Variants in CAMK2B observed in about 807,000 individuals in gnomAD.
CAMK2B encodes the protein calcium/calmodulin-dependent protein kinase type II subunit beta.
CAMK2B carries 27 observed loss-of-function variants against 93.7 expected under a neutral mutation model. That is an observed-to-expected ratio of 0.29 (90% CI 0.21 to 0.40). CAMK2B has a LOEUF of 0.40. Among genes scored for constraint, CAMK2B ranks in the 10% least tolerant of loss-of-function variants. CAMK2B has a pLI of 1.00. For missense variants in CAMK2B, 568 were observed against 895.8 expected (o/e 0.63, Z 4.67); for synonymous variants, 374 against 358.8 (o/e 1.04, Z -0.48).
chr7:44,264,352 G>A (rs552249588), intron 2 of CAMK2B, among the ~76,000 whole-genome samples: 1 of 152,312 alleles, frequency 6.6e-6, no homozygotes, highest in East Asian at 1.9e-4. Flanking sequence ...AGCAGGTGTG[G>A]TGGTGGCAGC....
intron 5 of CAMK2B, among the ~76,000 whole-genome samples, 171 bp downstream of exon 5, chr7:44,254,371 G>A (rs1348283979): frequency 6.6e-6 from 1 of 152,194 alleles, no homozygotes; most frequent in Non-Finnish European, 1.5e-5. Flanking sequence ...TCTTGGCTCT[G>A]CGCTGAGGTT....
At chr7:44,289,896 C>G (rs1397246071) in intron 1 of CAMK2B, among the ~76,000 whole-genome samples, 1 of 152,234 alleles carries the variant, frequency 6.6e-6, no homozygotes, top group African/African-American at 2.4e-5. Flanking sequence ...TCAGAGGCAG[C>G]AGCTTCTCTC....
At chr7:44,254,905 C>T (rs759590241) in intron 4 of CAMK2B, among the ~76,000 whole-genome samples, 18 of 150,866 alleles carry the variant, frequency 1.2e-4, no homozygotes, top group East Asian at 4.0e-4. Flanking sequence ...ACTTTGGCCA[C>T]GATTATACTC....
chr7:44,276,331 T>C (rs1462758810), intron 2 of CAMK2B, among the ~76,000 whole-genome samples: 1 of 151,992 alleles, frequency 6.6e-6, no homozygotes, highest in African/African-American at 2.4e-5. Context: ...GCACTCATTA[T>C]CCCCCTGAGC....
intron 2 of CAMK2B, among the ~76,000 whole-genome samples, chr7:44,281,822 G>A (rs1318450806): frequency 3.9e-5 from 6 of 152,118 alleles, no homozygotes; most frequent in Admixed American, 3.9e-4. Context: ...GCTGACCCTT[G>A]GAGCAAGTGG....
At chr7:44,303,712 C>A (rs1045986834) in intron 1 of CAMK2B, among the ~76,000 whole-genome samples, 4 of 152,034 alleles carry the variant, frequency 2.6e-5, no homozygotes, top group African/African-American at 9.7e-5. Context: ...AGATACAGTG[C>A]CAAAAGCACA....
intron 19 of CAMK2B, among the ~76,000 whole-genome samples, chr7:44,228,473 G>A (rs567250106): frequency 6.6e-6 from 1 of 152,234 alleles, no homozygotes; most frequent in East Asian, 1.9e-4. Context: ...GAGGGCCTAG[G>A]GGCATGGGGG....
chr7:44,260,225 C>T (rs551185282), intron 3 of CAMK2B, among the ~76,000 whole-genome samples: 14 of 152,298 alleles, frequency 9.2e-5, no homozygotes, highest in Admixed American at 3.9e-4. Flanking sequence ...TTGCATGCTC[C>T]GGCGCTGTCC....
Position 44,224,834 on chromosome 7 carries a change from G to C in CAMK2B, c.1597+1682C>G, listed in dbSNP as rs142818429. ...TTACACAGCTGGTGGGTGCCTTCTGGAGAAAGGAGGTGGAAAGGAGGCAGA... is the reference window on the plus strand; with the variant it reads ...TTACACAGCTGGTGGGTGCCTTCTGCAGAAAGGAGGTGGAAAGGAGGCAGA... On this transcript the variant is annotated intron_variant, in intron 20 of 23. Transcript: ENST00000395749. This position sits in a 1 kb window ranked among gnomAD's most constrained non-coding sequence, Gnocchi z 4.4. Among the ~76,000 whole-genome samples, 8 of 152,098 alleles carry C rather than the reference G, an allele frequency of 5.3e-5. No homozygotes were observed. Among genetic ancestry groups the C allele is most frequent in the Admixed American group, 2.6e-4 (4 of 15,284 alleles).
chr7:44,299,036 C>T, intron 1 of CAMK2B, among the ~76,000 whole-genome samples: 1 of 152,174 alleles, frequency 6.6e-6, no homozygotes, highest in Non-Finnish European at 1.5e-5. Context: ...AGCAATTCCA[C>T]TCCAAGGTGG....
chr7:44,225,858 G>C lies in CAMK2B; in HGVS notation c.1597+658C>G. On this transcript the variant is annotated intron_variant, in intron 20 of 23. Coordinates refer to ENST00000395749, the MANE Select transcript of CAMK2B (RefSeq NM_001220.5). The surrounding 1 kb of genome is among the most constrained non-coding windows in gnomAD (Gnocchi z 5.0). ...CCCAGTCTGGTGTCTCCCCACAGGT[G>C]GGGGTGGCAGCAGCCCTGGGATGTC... 3.1e-6 allele frequency: 4 copies of C among 1,289,386 alleles called. No individual in the cohort carries two copies. The highest frequency in any genetic ancestry group is 2.5e-5 in the South Asian group (2 of 81,024). The allele number at this position is 1,289,386 out of a possible 1,614,324, so 79.9% of individuals were successfully genotyped here. A position where few individuals can be genotyped will look rare whatever the true frequency, so the allele number is the denominator to read the frequency against.
chr7:44,290,771 C>T (rs1786569368), intron 1 of CAMK2B, among the ~76,000 whole-genome samples: 1 of 152,156 alleles, frequency 6.6e-6, no homozygotes. Context: ...TTTATATGAA[C>T]AGAGTGCTGA....
intron 4 of CAMK2B, among the ~76,000 whole-genome samples, chr7:44,254,837 C>T (rs1349047118): frequency 6.7e-5 from 1 of 14,844 alleles, no homozygotes; most frequent in African/African-American, 2.5e-4. Context: ...TGACAGCTTA[C>T]TAGTGCTTAC....
intron 2 of CAMK2B, among the ~76,000 whole-genome samples, chr7:44,267,702 G>C (rs552448913): frequency 2.2e-4 from 34 of 152,226 alleles, no homozygotes; most frequent in Non-Finnish European, 4.6e-4. Flanking sequence ...TTCTACCAGA[G>C]AAACATCCCA....
rs888784928 is a variant in CAMK2B, at chr7:44,230,911, G to C, written c.1225+95C>G. On this transcript the variant is annotated intron_variant, in intron 17 of 23. Transcript: ENST00000395749. The stretch of plus-strand genomic sequence containing the variant: ...TCAACACATGCATAAACTAGGCGTC[G>C]CAGGAGAGTTGACCCTGCCCAAGTC... 24 of 1,044,494 alleles carry C rather than the reference G, an allele frequency of 2.3e-5. No individual in the cohort carries two copies. In the Admixed American group the frequency reaches 2.4e-4, roughly 11 times the overall value. 64.7% of individuals were successfully genotyped at this position (1,044,494 alleles called of 1,614,324 possible). A position where few individuals can be genotyped will look rare whatever the true frequency, so the allele number is the denominator to read the frequency against.
At chr7:44,230,382 G>A (rs1246263135) in intron 17 of CAMK2B, 1 of 153,008 alleles carries the variant, frequency 6.5e-6, no homozygotes, top group Non-Finnish European at 1.5e-5. Flanking sequence ...CTTATTAGGT[G>A]ACCGTGTGAG....
intron 1 of CAMK2B, among the ~76,000 whole-genome samples, chr7:44,318,438 C>G (rs1303897591): frequency 6.6e-6 from 1 of 152,208 alleles, no homozygotes; most frequent in Non-Finnish European, 1.5e-5. Flanking sequence ...GCCTGAGTGA[C>G]CCAGACCATT....
At chr7:44,244,890 G>A (rs764297267) in intron 6 of CAMK2B, 66 of 454,122 alleles carry the variant, frequency 1.5e-4, no homozygotes, top group South Asian at 8.4e-4. Context: ...CCACCTCCTC[G>A]TCACCTTGGG....
intron 1 of CAMK2B, among the ~76,000 whole-genome samples, chr7:44,302,960 A>G (rs1790481437): frequency 6.6e-6 from 1 of 152,196 alleles, no homozygotes; most frequent in Non-Finnish European, 1.5e-5. Flanking sequence ...AAAGGAAGAA[A>G]TAAAACTGTC....
Sources: gnomAD v4.1 joint callset for allele counts (sites outside exome capture counted in the v4.1 genomes callset) on GRCh38, gnomAD v4.1.1 for gene constraint, Gnocchi (gnomAD v3.1) non-coding constraint, MANE v1.5 for transcripts, NCBI Gene and HGNC (gene_info 2026-07-23, HGNC 2026-07-21) for gene names.